APOM: variants seen among roughly 807,000 people sequenced by gnomAD.
APOM encodes the protein NG20-like protein.
Under a neutral mutation model 23.5 loss-of-function variants are expected in APOM, and 24 were observed. The ratio of observed to expected loss-of-function variants is 1.02; its 90% CI spans 0.74 to 1.44. The LOEUF (loss-of-function observed/expected upper bound fraction) is 1.44. Ranked by LOEUF, APOM falls within the 40% of genes most tolerant of loss-of-function variation. APOM has a pLI of 0.00. For missense variants in APOM, 200 were observed against 233.2 expected (o/e 0.86, Z 0.93); for synonymous variants, 82 against 84.1 (o/e 0.97, Z 0.14).
At chr6:31,654,760 C>T (rs114288601), upstream of APOM, among the ~76,000 whole-genome samples, 3 of 152,154 alleles carry the variant, frequency 2.0e-5, no homozygotes, top group Non-Finnish European at 4.4e-5. Context: ...TATTTGAGAA[C>T]TTATTACCCA....
chr6:31,653,409 G>A (rs1799218404), upstream of APOM, among the ~76,000 whole-genome samples: 2 of 152,166 alleles, frequency 1.3e-5, no homozygotes. Flanking sequence ...CATCGCTGTT[G>A]GGGTGTCCAA....
rs926465841 is a variant in APOM, at chr6:31,657,644, C to T, written c.462C>T (p.Pro154=). 8.1e-6 allele frequency: 13 copies of T among 1,612,912 alleles called. No homozygotes were observed. Among genetic ancestry groups the T allele is most frequent in the African/African-American group, 1.3e-5 (1 of 74,900 alleles). Residue 154 remains proline, a synonymous_variant, in exon 5 of 6, where the codon CCC becomes CCT. Coordinates refer to ENST00000375916, the MANE Select transcript of APOM (RefSeq NM_019101.3). Reference sequence around the variant, plus strand: ...TTCCAGATCGCTCACCACATCCTCCCGAAAAGTGTGTGGAGGAATTCAAGT... The same window carrying T: ...TTCCAGATCGCTCACCACATCCTCCTGAAAAGTGTGTGGAGGAATTCAAGT... The part of the protein sequence containing the change: ...FLLYNRSPHP[P]EKCVEEFKSL...
At chr6:31,654,200 G>A (rs1166250617), upstream of APOM, among the ~76,000 whole-genome samples, 5 of 146,810 alleles carry the variant, frequency 3.4e-5, no homozygotes, top group African/African-American at 1.0e-4. Context: ...AGCCAAGATC[G>A]CGCCACTGCA....
upstream of APOM, chr6:31,655,820 G>A (rs928101270): frequency 2.1e-5 from 13 of 611,644 alleles, no homozygotes; most frequent in Non-Finnish European, 3.2e-5. Flanking sequence ...TCCAGGTTTG[G>A]GTTGGAAAAC....
chr6:31,656,027 T>C lies in APOM; in HGVS notation c.61T>C (p.Tyr21His), dbSNP rs779349173. Residue 21 changes from tyrosine (Y) to histidine (H), a missense_variant, in exon 1 of 6, where the codon TAC becomes CAC. Physicochemically the swap from Tyr to His is moderately conservative, Grantham distance 83. Coordinates refer to ENST00000375916, the MANE Select transcript of APOM (RefSeq NM_019101.3). ...CTATGGTATTATCCTTAACTCCATC[T>C]ACCAGTGCCCTGAGCACAGTCAACT... is the stretch of plus-strand genomic sequence containing the variant. ...YFYGIILNSI[Y>H]QCPEHSQLTT... The C allele has an allele frequency of 6.3e-7, 1 of 1,595,416 alleles. No individual in the cohort carries two copies. The highest frequency in any genetic ancestry group is 8.5e-7 in the Non-Finnish European group (1 of 1,170,766).
intron 4 of APOM, 35 bp from the exon 5 acceptor site, chr6:31,657,590 G>A (rs748495648): frequency 6.2e-7 from 1 of 1,602,556 alleles, no homozygotes. Flanking sequence ...GCTTCCAGGG[G>A]TTTTGACTGG....
upstream of APOM, among the ~76,000 whole-genome samples, chr6:31,653,984 C>A (rs1799545211): frequency 6.6e-6 from 1 of 152,024 alleles, no homozygotes; most frequent in African/African-American, 2.4e-5. Flanking sequence ...AATTTTCGGC[C>A]GGGCGCAGTG....
At position 31,657,445 on chromosome 6, in the gene APOM, ACAGGC is replaced by A; in HGVS notation, c.414_418del (p.Gln139LeufsTer38). On this transcript the variant is annotated frameshift_variant, in exon 4 of 6. Coordinates refer to ENST00000375916, the MANE Select transcript of APOM (RefSeq NM_019101.3). LOFTEE classifies it high-confidence loss of function. Reference sequence around the variant, plus strand: ...CCCAGGTGGAATCATGCTGAATGAGACAGGCCAGGGTTACCAGCGCTTTCTCCTCT... The same window carrying A: ...CCCAGGTGGAATCATGCTGAATGAGACAGGGTTACCAGCGCTTTCTCCTCT... 1.2e-6 allele frequency: 2 copies of A among 1,612,926 alleles called. No individual in the cohort carries two copies. Among genetic ancestry groups the A allele is most frequent in the Non-Finnish European group, 1.7e-6 (2 of 1,180,026 alleles).
Position 31,657,756 on chromosome 6 carries a change from G to C in APOM, c.541+33G>C, listed in dbSNP as rs761793570. 1.4e-5 allele frequency: 22 copies of C among 1,564,688 alleles called. 2 individuals are homozygous for C. The South Asian group carries it at 2.4e-4, about 17-fold the overall frequency. ...GTTAAAATCTCATAAAACAGGATTA[G>C]GACTCACCAAGTCTTCTGGTGTTAC... On this transcript the variant is annotated intron_variant, in intron 5 of 5. Transcript: ENST00000375916.
upstream of APOM, chr6:31,655,738 C>G (rs1348953124): frequency 4.0e-6 from 2 of 506,252 alleles, no homozygotes; most frequent in South Asian, 4.7e-5. Context: ...CTGAGAAACC[C>G]TGGACATGCC....
chr6:31,656,794 T>G (rs1038426072), intron 2 of APOM, among the ~76,000 whole-genome samples, 168 bp downstream of exon 2: 3 of 152,128 alleles, frequency 2.0e-5, no homozygotes, highest in African/African-American at 7.2e-5. Flanking sequence ...TAACCAATGC[T>G]TGGTAGCTTG....
upstream of APOM, among the ~76,000 whole-genome samples, chr6:31,654,410 A>G (rs1799770964): frequency 6.6e-6 from 1 of 152,060 alleles, no homozygotes; most frequent in South Asian, 2.1e-4. Flanking sequence ...TTATCAAGCT[A>G]GGTGTGGTGG....
chr6:31,652,603 C>G (rs1798676926), upstream of APOM: 1 of 152,378 alleles, frequency 6.6e-6, no homozygotes, highest in Non-Finnish European at 1.5e-5. Flanking sequence ...GGGAGGGAGC[C>G]GAGCACCCCG....
chr6:31,657,494 A>G lies in APOM; in HGVS notation c.442+16A>G, dbSNP rs1303856984. On this transcript the variant is annotated intron_variant, in intron 4 of 5. Coordinates refer to ENST00000375916, the MANE Select transcript of APOM (RefSeq NM_019101.3). ...CTCCTCTACAGTGAGTAGGGATACA[A>G]GGCAGGAAGGGTTGGAGGGAAACAA... The G allele has an allele frequency of 6.2e-7, 1 of 1,611,972 alleles. No homozygotes were observed. Among genetic ancestry groups the G allele is most frequent in the South Asian group, 1.1e-5 (1 of 91,050 alleles).
At chr6:31,653,558 A>AG (rs1799295164), upstream of APOM, among the ~76,000 whole-genome samples, 1 of 152,206 alleles carries the variant, frequency 6.6e-6, no homozygotes, top group South Asian at 2.1e-4. Flanking sequence ...CCTTTTAACG[A>AG]GCTTTTAACA....
Position 31,656,572 on chromosome 6 carries a change from A to T in APOM, c.215A>T (p.Asn72Ile). 1 of 1,614,142 alleles carries T rather than the reference A, an allele frequency of 6.2e-7. No homozygotes were observed. The highest frequency in any genetic ancestry group is 8.5e-7 in the Non-Finnish European group (1 of 1,180,014). Residue 72 changes from asparagine to isoleucine, a missense_variant, in exon 2 of 6, where the codon AAT (asparagine) becomes ATT (isoleucine). By Grantham distance (149) the Asn-to-Ile change is moderately radical. Transcript: ENST00000375916. ...GACCCTGTGGACAACATTGTCTTCA[A>T]TATGGCTGCTGGCTCTGCCCCGATG... ...TFDPVDNIVFNMAAGSAPMQL... is the reference protein window; with the variant it reads ...TFDPVDNIVFIMAAGSAPMQL...
rs1355351268 is a variant in APOM at position 31,657,227 on chromosome 6, A to C, written c.272A>C (p.Lys91Thr). ...CCTTGCCACCACCACCTCTGCAGGA[A>C]AGATGGGCTCTGTGTGCCCCGGAAA... Reference protein sequence around the residue: ...QLHLRATIRMKDGLCVPRKWI... With the variant: ...QLHLRATIRMTDGLCVPRKWI... The change falls in exon 3 of 6, where the codon AAA (lysine) becomes ACA (threonine). Residue 91 changes from lysine to threonine, a missense_variant and splice_region_variant. Transcript: ENST00000375916. The C allele has an allele frequency of 6.2e-7, 1 of 1,612,984 alleles. No homozygotes were observed. The highest frequency in any genetic ancestry group is 2.2e-5 in the East Asian group (1 of 44,886).
In APOM at chr6:31,657,495, G is replaced by A. The variant is rs1404811660; in HGVS notation, c.442+17G>A. 3.1e-6 allele frequency: 5 copies of A among 1,611,904 alleles called. No individual in the cohort carries two copies. The highest frequency in any genetic ancestry group is 4.2e-6 in the Non-Finnish European group (5 of 1,179,656). On this transcript the variant is annotated intron_variant, in intron 4 of 5. Transcript: ENST00000375916. ...TCCTCTACAGTGAGTAGGGATACAA[G>A]GCAGGAAGGGTTGGAGGGAAACAAG...
intron 1 of APOM, 133 bp downstream of exon 1, chr6:31,656,213 G>A (rs1035237056): frequency 2.4e-6 from 2 of 820,288 alleles, no homozygotes; most frequent in Non-Finnish European, 1.9e-6. Flanking sequence ...ATGAAAGCAA[G>A]AAGAAAAATA....
Sources: allele counts gnomAD v4.1 joint callset (sites outside exome capture counted in the v4.1 genomes callset), GRCh38; gene constraint gnomAD v4.1.1; transcripts MANE v1.5; gene names NCBI Gene and HGNC (gene_info 2026-07-23, HGNC 2026-07-21).